Variants in COL28A1 observed in about 807,000 individuals in gnomAD.
COL28A1 encodes collagen alpha-1(XXVIII) chain.
Under a neutral mutation model 150.2 loss-of-function variants are expected in COL28A1, and 161 were observed. The observed-to-expected ratio is 1.07, with a 90% CI of 0.94 to 1.22. COL28A1 has a LOEUF of 1.22. Among genes scored for constraint, COL28A1 ranks in the 50% most tolerant of loss-of-function variants. COL28A1 has a pLI of 0.00. For missense variants in COL28A1, 1,617 were observed against 1,388.3 expected (o/e 1.16, Z -2.62); for synonymous variants, 552 against 469.7 (o/e 1.18, Z -2.26).
In COL28A1 at chr7:7,531,377, T is replaced by G. The variant is rs1462169871; in HGVS notation, c.652A>C (p.Thr218Pro). Residue 218 changes from threonine to proline, a missense_variant, in exon 3 of 35, where the codon ACC (threonine) becomes CCC (proline). By Grantham distance (38) the Thr-to-Pro change is conservative. Coordinates refer to ENST00000399429, the MANE Select transcript of COL28A1 (RefSeq NM_001037763.3). ...CGATCTTGAATTTTATCTACAAGGG[T>G]TGGATCACTCAACAGTAAAGTGGGT... Reference protein sequence around the residue: ...SEPTLLLSDPTLVDKIQDRLD... With the variant: ...SEPTLLLSDPPLVDKIQDRLD... The G allele has an allele frequency of 6.4e-7, 1 of 1,569,486 alleles. No individual in the cohort carries two copies. Among genetic ancestry groups the G allele is most frequent in the Non-Finnish European group, 8.7e-7 (1 of 1,149,610 alleles).
chr7:7,434,621 GCAAA>G (rs1412776521), intron 23 of COL28A1, among the ~76,000 whole-genome samples: 1 of 152,176 alleles, frequency 6.6e-6, no homozygotes, highest in Non-Finnish European at 1.5e-5. Context: ...GGAAAACCAT[GCAAA>G]CACTCACAGT....
intron 25 of COL28A1, among the ~76,000 whole-genome samples, chr7:7,424,747 G>T (rs1784566183): frequency 6.6e-6 from 1 of 151,924 alleles, no homozygotes. Flanking sequence ...CTGTTTAGAT[G>T]GCATACCACT....
At chr7:7,427,424 C>A (rs866413459) in intron 25 of COL28A1, among the ~76,000 whole-genome samples, 5 of 152,292 alleles carry the variant, frequency 3.3e-5, no homozygotes, top group Middle Eastern at 6.8e-3. Flanking sequence ...AGTCTGTATC[C>A]TAGGCCAGCC....
the COL28A1 span, among the ~76,000 whole-genome samples, chr7:7,340,449 T>C: frequency 6.6e-6 from 1 of 152,072 alleles, no homozygotes; most frequent in Non-Finnish European, 1.5e-5. Context: ...ACTTTCCAGC[T>C]CACTGTGTCA....
At chr7:7,380,900 G>T in intron 28 of COL28A1, 38 bp from the exon 29 acceptor site, 2 of 1,542,358 alleles carry the variant, frequency 1.3e-6, no homozygotes, top group South Asian at 1.2e-5. Flanking sequence ...TTCAGAATGT[G>T]AATCTAAAAG....
chr7:7,403,391 T>C (rs188509849), intron 27 of COL28A1, among the ~76,000 whole-genome samples: 1 of 152,352 alleles, frequency 6.6e-6, no homozygotes, highest in African/African-American at 2.4e-5. Context: ...AAGAGGCTTC[T>C]CAACGCCTCT....
intron 27 of COL28A1, 66 bp from the exon 28 acceptor site, chr7:7,381,678 C>T (rs896313976): frequency 2.1e-4 from 243 of 1,138,842 alleles, no homozygotes; most frequent in Admixed American, 3.8e-4. Context: ...TTCTTTGGGT[C>T]AGAAACACAC....
chr7:7,502,330 C>A (rs1057157984), intron 11 of COL28A1, among the ~76,000 whole-genome samples: 16 of 152,182 alleles, frequency 1.1e-4, no homozygotes, highest in African/African-American at 3.9e-4. Flanking sequence ...TCAGGGCAGA[C>A]TAGGAGCTAC....
At chr7:7,378,346 CT>C (rs1424764746) in intron 30 of COL28A1, among the ~76,000 whole-genome samples, 1 of 152,092 alleles carries the variant, frequency 6.6e-6, no homozygotes, top group East Asian at 1.9e-4. Context: ...TAGAATTAGC[CT>C]TTTCAAACTA....
chr7:7,372,482 T>C (rs1198044003), intron 32 of COL28A1, among the ~76,000 whole-genome samples: 2 of 152,300 alleles, frequency 1.3e-5, no homozygotes, highest in Middle Eastern at 3.4e-3. Flanking sequence ...TCAACCTGTT[T>C]ATTCATCATT....
intron 22 of COL28A1, 25 bp downstream of exon 22, chr7:7,437,367 AAG>A: frequency 6.3e-7 from 1 of 1,593,922 alleles, no homozygotes; most frequent in South Asian, 1.2e-5. Context: ...GGTCAAGAAA[AAG>A]AAAATAATCT....
intron 1 of COL28A1, among the ~76,000 whole-genome samples, chr7:7,533,120 T>A (rs748756988): frequency 9.2e-5 from 14 of 152,176 alleles, no homozygotes; most frequent in Non-Finnish European, 1.9e-4. Context: ...TTAGTGAATA[T>A]TTCTATATAT....
chr7:7,382,727 CCCA>C (rs1337234031), intron 27 of COL28A1, among the ~76,000 whole-genome samples: 1 of 152,068 alleles, frequency 6.6e-6, no homozygotes, highest in African/African-American at 2.4e-5. Context: ...CCTGATCATC[CCCA>C]CCAAGATCAT....
chr7:7,344,621 A>G, the COL28A1 span, among the ~76,000 whole-genome samples: 2 of 152,268 alleles, frequency 1.3e-5, no homozygotes, highest in South Asian at 2.1e-4. Context: ...ATTGTTTCAC[A>G]TCATCTGTCT....
At chr7:7,410,641 CCTTT>C (rs1238634692) in intron 27 of COL28A1, among the ~76,000 whole-genome samples, 2 of 135,264 alleles carry the variant, frequency 1.5e-5, no homozygotes, top group Non-Finnish European at 3.2e-5. Context: ...GTTTTGTCTT[CCTTT>C]TTTTTTTTTA....
chr7:7,527,925 ATTCAAC>A (rs1782121066), intron 3 of COL28A1, among the ~76,000 whole-genome samples: 2 of 152,324 alleles, frequency 1.3e-5, no homozygotes, highest in South Asian at 4.1e-4. Context: ...TGACAAAAAA[ATTCAAC>A]TTAAAATGGT....
chr7:7,492,612 G>T (rs4034997), intron 11 of COL28A1, among the ~76,000 whole-genome samples: 1 of 21,298 alleles, frequency 4.7e-5, no homozygotes, highest in South Asian at 1.5e-3. Context: ...AAAAAAAAAA[G>T]GTCTGTTGAC....
upstream of COL28A1, among the ~76,000 whole-genome samples, chr7:7,536,667 T>A (rs1388666538): frequency 6.6e-6 from 1 of 152,170 alleles, no homozygotes; most frequent in Non-Finnish European, 1.5e-5. Flanking sequence ...GGACTTCCTC[T>A]GAAATAGAGA....
intron 28 of COL28A1, 140 bp from the exon 29 acceptor site, chr7:7,381,002 A>G: frequency 1.5e-6 from 1 of 687,708 alleles, no homozygotes; most frequent in African/African-American, 1.8e-5. Context: ...GTATTTGAAA[A>G]AAAATTGGGG....
Sources: gnomAD v4.1 joint callset for allele counts (sites outside exome capture counted in the v4.1 genomes callset) on GRCh38, gnomAD v4.1.1 for gene constraint, MANE v1.5 for transcripts, NCBI Gene and HGNC (gene_info 2026-07-23, HGNC 2026-07-21) for gene names.